Variants in DMKN observed in about 807,000 individuals in gnomAD.
DMKN encodes epidermis-specific secreted protein SK30/SK89.
Under a neutral mutation model 67.6 loss-of-function variants are expected in DMKN, and 58 were observed. That is an observed-to-expected ratio of 0.86 (90% confidence interval 0.69 to 1.07). The LOEUF (loss-of-function observed/expected upper bound fraction) is 1.07. Ranked by LOEUF, DMKN falls within the 50% of genes least tolerant of loss-of-function variation. The pLI, the probability that DMKN is intolerant of heterozygous loss-of-function variation, is 0.00. For synonymous variants in DMKN, 240 were observed against 232.3 expected (o/e 1.03, Z -0.30); for missense variants, 596 against 601.5 (o/e 0.99, Z 0.10).
At position 35,511,744 on chromosome 19, in the gene DMKN, G is replaced by T. The variant is rs200081421; in HGVS notation, c.735+19C>A. The T allele has an allele frequency of 5.6e-6, 9 of 1,610,534 alleles. No individual in the cohort carries two copies. The highest frequency in any genetic ancestry group is 1.7e-5 in the Admixed American group (1 of 59,690). ...TTTCCTCCTGGTGCACAACTCCTGG[G>T]TTGCCCCTCTCCACTCACCCCAGAG... On this transcript the variant is annotated intron_variant, in intron 4 of 15. Coordinates refer to ENST00000339686, the MANE Select transcript of DMKN (RefSeq NM_033317.5).
Position 35,498,602 on chromosome 19 carries a change from C to T in DMKN, c.*114G>A, listed in dbSNP as rs1039686923. 1.8e-5 allele frequency: 26 copies of T among 1,444,622 alleles called. No homozygotes were observed. The African/African-American group carries it at 2.5e-4, about 14-fold the overall frequency. The allele number at this position is 1,444,622 out of a possible 1,614,324, so 89.5% of individuals were successfully genotyped here. A position where few individuals can be genotyped will look rare whatever the true frequency, so the allele number is the denominator to read the frequency against. ...GAGCACGCACCCAGAGCATACCTGA[C>T]TTCATGTCGCTGCCCACTGAGATCT... On this transcript the variant is annotated intron_variant, in intron 15 of 15. Coordinates refer to ENST00000339686, the MANE Select transcript of DMKN (RefSeq NM_033317.5).
chr19:35,499,645 G>T lies in DMKN; in HGVS notation c.1359+313C>A, dbSNP rs28621750. On this transcript the variant is annotated intron_variant, in intron 13 of 15. Coordinates refer to ENST00000339686, the MANE Select transcript of DMKN (RefSeq NM_033317.5). ...AGAGCTGCTTGCGTGTTTTGCAGGT[G>T]TCATGATTTTTTAAAGCCTATATTC... Among the ~76,000 whole-genome samples, 762 of 152,286 alleles carry T rather than the reference G, an allele frequency of 5.0e-3. 2 individuals are homozygous for T. The highest frequency in any genetic ancestry group is 0.018 in the African/African-American group (731 of 41,572).
intron 13 of DMKN, 41 bp downstream of exon 13, chr19:35,499,917 C>A (rs1244404673): frequency 6.2e-7 from 1 of 1,607,716 alleles, no homozygotes; most frequent in Non-Finnish European, 8.5e-7. Flanking sequence ...ATCCCTCATG[C>A]AGAGCCCCCA....
rs763975962 is a variant in DMKN at position 35,501,870 on chromosome 19, G to T, written c.1239+266C>A. Reference sequence around the variant, plus strand: ...CAGGCCAGGCCCAGCAGGAGCAGGAGCAGAGCAGAGGCAGTGGCCGGCTTC... The same window carrying T: ...CAGGCCAGGCCCAGCAGGAGCAGGATCAGAGCAGAGGCAGTGGCCGGCTTC... On this transcript the variant is annotated intron_variant, in intron 11 of 15. Transcript: ENST00000339686. 4 of 1,586,422 alleles carry T rather than the reference G, an allele frequency of 2.5e-6. No homozygotes were observed. The South Asian group carries it at 3.5e-5, about 14-fold the overall frequency.
chr19:35,500,371 G>A, intron 12 of DMKN, 162 bp downstream of exon 12: 1 of 1,551,738 alleles, frequency 6.4e-7, no homozygotes, highest in Non-Finnish European at 8.7e-7. Context: ...CATGGTAGAT[G>A]TCTCACCTTG....
rs2070580850 is a variant in DMKN, at chr19:35,510,616, C to G, written c.919-364G>C. 2.1e-6 allele frequency: 3 copies of G among 1,432,678 alleles called. No individual in the cohort carries two copies. The African/African-American group carries it at 4.3e-5, about 20-fold the overall frequency. 88.7% of individuals were successfully genotyped at this position (1,432,678 alleles called of 1,614,324 possible). A position where few individuals can be genotyped will look rare whatever the true frequency, so the allele number is the denominator to read the frequency against. On this transcript the variant is annotated intron_variant, in intron 5 of 15. Transcript: ENST00000339686. Reference sequence around the variant, plus strand: ...CTCACCTGGGAGCGGCCGTAGCTGCCTTGGTCACCATTCCCAGAACTGCCC... The same window carrying G: ...CTCACCTGGGAGCGGCCGTAGCTGCGTTGGTCACCATTCCCAGAACTGCCC...
chr19:35,499,133 C>T (rs537352785), intron 13 of DMKN: 1 of 611,270 alleles, frequency 1.6e-6, no homozygotes, highest in African/African-American at 1.8e-5. Context: ...CACGTACTGA[C>T]CAAGGGGGTC....
At chr19:35,510,061 C>G in intron 6 of DMKN, 100 bp from the exon 7 acceptor site, 1 of 1,579,054 alleles carries the variant, frequency 6.3e-7, no homozygotes. Context: ...GCCGCTTCCG[C>G]TCCACCTCCG....
intron 15 of DMKN, chr19:35,498,506 G>A: frequency 1.5e-6 from 1 of 662,846 alleles, no homozygotes; most frequent in African/African-American, 1.8e-5. Context: ...ACTGCACCCA[G>A]CCCTAGATCA....
chr19:35,503,327 C>T, intron 9 of DMKN: 1 of 1,536,566 alleles, frequency 6.5e-7, no homozygotes, highest in Non-Finnish European at 8.8e-7. Context: ...AGGTTTATTT[C>T]AAGGGCAAGG....
chr19:35,510,502 A>T, intron 5 of DMKN: 2 of 1,549,060 alleles, frequency 1.3e-6, no homozygotes, highest in Non-Finnish European at 1.7e-6. Context: ...TGCCCACCGC[A>T]GGCCGGGGGT....
In DMKN at chr19:35,513,127, C is replaced by G. The variant is rs761797774; in HGVS notation, c.349G>C (p.Ala117Pro). The change falls in exon 1 of 16, where the codon GCA becomes CCA. Residue 117 changes from alanine to proline, a missense_variant. By Grantham distance (27) the Ala-to-Pro change is conservative (BLOSUM62 -1). Coordinates refer to ENST00000339686, the MANE Select transcript of DMKN (RefSeq NM_033317.5). ...GNTGHEIGRQAEDVIRHGADA... is the reference protein window; with the variant it reads ...GNTGHEIGRQPEDVIRHGADA... ...GCTCCGTGTCGAATGACATCTTCTG[C>G]CTGTCTGCCAATCTCGTGCCCAGTG... The G allele has an allele frequency of 6.2e-7, 1 of 1,614,194 alleles. No homozygotes were observed. The highest frequency in any genetic ancestry group is 8.5e-7 in the Non-Finnish European group (1 of 1,180,038).
chr19:35,502,801 A>G, intron 10 of DMKN, 29 bp downstream of exon 10: 1 of 1,613,530 alleles, frequency 6.2e-7, no homozygotes, highest in Non-Finnish European at 8.5e-7. Flanking sequence ...CCAGGCCCCC[A>G]GTTCTTCAAA....
At chr19:35,510,783 C>T (rs1432487614) in intron 5 of DMKN, among the ~76,000 whole-genome samples, 3 of 152,126 alleles carry the variant, frequency 2.0e-5, no homozygotes, top group South Asian at 4.1e-4. Context: ...CTCTCCAGCT[C>T]GACTCCAAGA....
chr19:35,503,079 A>G (rs572464476), intron 9 of DMKN, among the ~76,000 whole-genome samples, 193 bp from the exon 10 acceptor site: 1 of 151,612 alleles, frequency 6.6e-6, no homozygotes, highest in East Asian at 1.9e-4. Flanking sequence ...GCACTAACCA[A>G]CTCTCCCTGT....
At position 35,510,373 on chromosome 19, in the gene DMKN, C is replaced by T; in HGVS notation, c.919-121G>A. 3.2e-6 allele frequency: 5 copies of T among 1,552,452 alleles called. No individual in the cohort carries two copies. In the South Asian group the frequency reaches 5.9e-5, roughly 18 times the overall value. On this transcript the variant is annotated intron_variant, in intron 5 of 15. Transcript: ENST00000339686. ...CAGATTCCAGTCCTCTTTCCAACCTCCAGACCTTCCCCCTCTTTAGCCTGT... is the reference window on the plus strand; with the variant it reads ...CAGATTCCAGTCCTCTTTCCAACCTTCAGACCTTCCCCCTCTTTAGCCTGT...
At chr19:35,500,124 T>C in intron 12 of DMKN, 95 bp from the exon 13 acceptor site, 5 of 1,430,006 alleles carry the variant, frequency 3.5e-6, no homozygotes, top group Non-Finnish European at 4.9e-6. Context: ...ACCAGACCTT[T>C]CCTAAAACAC....
intron 15 of DMKN, chr19:35,498,197 G>C (rs938471180): frequency 6.2e-6 from 1 of 161,834 alleles, no homozygotes; most frequent in Non-Finnish European, 1.3e-5. Flanking sequence ...GTGCAGCGGT[G>C]CAATCGCAGT....
chr19:35,512,975 T>C, intron 1 of DMKN, 75 bp downstream of exon 1: 1 of 1,584,508 alleles, frequency 6.3e-7, no homozygotes, highest in Non-Finnish European at 8.6e-7. Flanking sequence ...ATCCATCCTT[T>C]CAACCGTTTC....
Sources: allele counts gnomAD v4.1 joint callset (sites outside exome capture counted in the v4.1 genomes callset), GRCh38; gene constraint gnomAD v4.1.1; transcripts MANE v1.5; gene names NCBI Gene and HGNC (gene_info 2026-07-23, HGNC 2026-07-21).